PRDM1: variants seen among roughly 807,000 people sequenced by gnomAD.
PRDM1 encodes the protein PR/SET domain 1.
Under a neutral mutation model 62.8 loss-of-function variants are expected in PRDM1, and 13 were observed. The ratio of observed to expected loss-of-function variants is 0.21; its 90% CI spans 0.13 to 0.33. The LOEUF (loss-of-function observed/expected upper bound fraction) is 0.33. Ranked by LOEUF, PRDM1 falls within the 10% of genes least tolerant of loss-of-function variation. The pLI is 1.00. For synonymous variants in PRDM1, 396 were observed against 417.6 expected (o/e 0.95, Z 0.63); for missense variants, 895 against 1,058.8 (o/e 0.85, Z 2.15).
At position 106,091,160 on chromosome 6, in the gene PRDM1, G is replaced by C. The variant is rs574793190; in HGVS notation, c.291+2711G>C. On this transcript the variant is annotated intron_variant, in intron 2 of 6. Transcript: ENST00000369096. ...AATCAGTTCAAGCATTTATATTTTA[G>C]AAGCGTTACCCTGTAGAGTTTCTGC... 7.8e-4 allele frequency among the ~76,000 whole-genome samples: 119 copies of C among 152,202 alleles called. 1 individual carries two copies. Among genetic ancestry groups the C allele is most frequent in the Non-Finnish European group, 1.3e-3 (90 of 68,010 alleles).
At chr6:106,002,291 G>T (rs181020025) in intron 1 of PRDM1, among the ~76,000 whole-genome samples, 113 of 152,220 alleles carry the variant, frequency 7.4e-4, no homozygotes, top group African/African-American at 2.6e-3. Flanking sequence ...TCATCACAAG[G>T]TTCTTAGTGG....
At chr6:106,034,821 G>A (rs193193582) in intron 1 of PRDM1, among the ~76,000 whole-genome samples, 20 of 151,834 alleles carry the variant, frequency 1.3e-4, no homozygotes, top group East Asian at 9.7e-4. Flanking sequence ...TAGTAGAGAC[G>A]GGGTTTCACT....
intron 1 of PRDM1, among the ~76,000 whole-genome samples, chr6:106,014,417 A>C (rs1208086476): frequency 7.2e-6 from 1 of 139,818 alleles, no homozygotes; most frequent in East Asian, 2.1e-4. Flanking sequence ...TGTCTGAAAC[A>C]GTTTCTAGCA....
At chr6:106,015,332 C>T (rs1772606110) in intron 1 of PRDM1, among the ~76,000 whole-genome samples, 1 of 152,180 alleles carries the variant, frequency 6.6e-6, no homozygotes, top group Non-Finnish European at 1.5e-5. Flanking sequence ...ATGAGCTTCT[C>T]TGCACTTGTT....
intron 1 of PRDM1, among the ~76,000 whole-genome samples, chr6:106,063,330 T>C (rs1440300174): frequency 6.6e-6 from 1 of 152,130 alleles, no homozygotes; most frequent in Non-Finnish European, 1.5e-5. Context: ...AGAGTTTTCT[T>C]GGTCTTAATT....
In PRDM1 at chr6:106,023,759, T is replaced by G. The variant is rs568464920; in HGVS notation, c.-67+30120T>G. ...CCACACTGCTTGTGCTGCTGGAATC[T>G]GCTAGCTGATATTTGACTTGAAGTT... On this transcript the variant is annotated intron_variant, in intron 1 of 6. Transcript: ENST00000652320. Among the ~76,000 whole-genome samples the G allele has an allele frequency of 9.8e-5, 15 of 152,350 alleles. 1 individual carries two copies. The South Asian group carries it at 3.1e-3, about 32-fold the overall frequency.
intron 1 of PRDM1, among the ~76,000 whole-genome samples, chr6:106,062,108 A>T (rs1773353992): frequency 6.6e-6 from 1 of 152,204 alleles, no homozygotes; most frequent in Non-Finnish European, 1.5e-5. Context: ...ATTGTAAAAA[A>T]ATCTTTTAGA....
intron 1 of PRDM1, among the ~76,000 whole-genome samples, chr6:106,050,532 C>T (rs1773156028): frequency 6.6e-6 from 1 of 151,966 alleles, no homozygotes; most frequent in South Asian, 2.1e-4. Context: ...ACTTTTTATT[C>T]TTTCACAAAA....
intron 1 of PRDM1, among the ~76,000 whole-genome samples, chr6:106,034,635 CTT>C (rs1554200511): frequency 1.1e-5 from 1 of 88,418 alleles, no homozygotes. Flanking sequence ...TGTTCTCTCT[CTT>C]TTTTTTTTTT....
intron 1 of PRDM1, among the ~76,000 whole-genome samples, chr6:106,053,052 A>G (rs1773204943): frequency 6.6e-6 from 1 of 152,148 alleles, no homozygotes; most frequent in Non-Finnish European, 1.5e-5. Context: ...TCACAAATTT[A>G]CTTCCTAATT....
chr6:106,079,152 A>G (rs1343764201), intron 1 of PRDM1, among the ~76,000 whole-genome samples: 2 of 151,806 alleles, frequency 1.3e-5, no homozygotes, highest in Admixed American at 1.3e-4. Flanking sequence ...TTTAGTAGAG[A>G]CGGGGTTTCA....
At chr6:106,004,518 T>C (rs539355932) in intron 1 of PRDM1, among the ~76,000 whole-genome samples, 18 of 152,188 alleles carry the variant, frequency 1.2e-4, no homozygotes, top group Non-Finnish European at 2.1e-4. Flanking sequence ...TGAAATAATA[T>C]AGTTTGACAA....
intron 3 of PRDM1, among the ~76,000 whole-genome samples, chr6:106,097,444 T>TAAC (rs1438560886): frequency 6.6e-6 from 1 of 152,244 alleles, no homozygotes; most frequent in Non-Finnish European, 1.5e-5. Flanking sequence ...AAGGATATTG[T>TAAC]AGAACATCTC....
rs1328363926 is a variant in PRDM1, at chr6:106,086,579, G to T, written c.26G>T (p.Arg9Leu). 6.4e-7 allele frequency: 1 copy of T among 1,551,958 alleles called. No homozygotes were observed. The highest frequency in any genetic ancestry group is 2.0e-5 in the Admixed American group (1 of 50,998). MLDICLEKRVGTTLAAPKC... is the reference protein window; with the variant it reads MLDICLEKLVGTTLAAPKC... ...ATGTTGGATATTTGCTTGGAAAAAC[G>T]TGTGGGTACGACCTTGGTAAGGAAC... Residue 9 changes from arginine to leucine, a missense_variant, in exon 1 of 7, where the codon CGT becomes CTT. Coordinates refer to ENST00000369096, the MANE Select transcript of PRDM1 (RefSeq NM_001198.4).
intron 1 of PRDM1, among the ~76,000 whole-genome samples, chr6:106,080,697 A>C (rs1228540044): frequency 6.6e-6 from 1 of 152,240 alleles, no homozygotes; most frequent in African/African-American, 2.4e-5. Flanking sequence ...TCATGGTGGC[A>C]GTACACATCC....
At chr6:106,052,523 T>A (rs995187668) in intron 1 of PRDM1, among the ~76,000 whole-genome samples, 2 of 152,164 alleles carry the variant, frequency 1.3e-5, no homozygotes, top group African/African-American at 4.8e-5. Flanking sequence ...CTTATCCGAT[T>A]GTGGCATAGG....
At chr6:106,068,381 C>T (rs371833648) in intron 1 of PRDM1, among the ~76,000 whole-genome samples, 1 of 152,294 alleles carries the variant, frequency 6.6e-6, no homozygotes, top group East Asian at 1.9e-4. Context: ...TATAAGCCAC[C>T]GTGCCTGGCC....
At chr6:105,998,931 ATATTTTTTTTTTT>A (rs1381394689) in intron 1 of PRDM1, among the ~76,000 whole-genome samples, 3 of 2,142 alleles carry the variant, frequency 1.4e-3, no homozygotes, top group East Asian at 9.6e-3. Context: ...ATATATATAT[ATATTTTTTTTTTT>A]TTTTTTCTTT....
intron 1 of PRDM1, among the ~76,000 whole-genome samples, chr6:106,022,105 C>G (rs1235347535): frequency 6.6e-6 from 1 of 152,162 alleles, no homozygotes; most frequent in Non-Finnish European, 1.5e-5. Flanking sequence ...TTAAGAGGTA[C>G]AGGTGTTACA....
Sources: allele counts gnomAD v4.1 joint callset (sites outside exome capture counted in the v4.1 genomes callset), GRCh38; gene constraint gnomAD v4.1.1; transcripts MANE v1.5; gene names NCBI Gene and HGNC (gene_info 2026-07-23, HGNC 2026-07-21).